The following CYP4X1 variants were observed in gnomAD, a reference collection of about 807,000 sequenced individuals.
CYP4X1 encodes the protein cytochrome P450 4X1.
Under a neutral mutation model 57.9 loss-of-function variants are expected in CYP4X1, and 44 were observed. The ratio of observed to expected loss-of-function variants is 0.76; its 90% confidence interval spans 0.60 to 0.98. CYP4X1 has a LOEUF of 0.98. Among genes scored for constraint, CYP4X1 ranks in the 50% least tolerant of loss-of-function variants. The pLI, the probability that CYP4X1 is intolerant of heterozygous loss-of-function variation, is 0.00. For missense variants in CYP4X1, 532 were observed against 623.9 expected, an observed-to-expected ratio of 0.85 and a Z score of 1.57; for synonymous variants, 227 against 228.6, an observed-to-expected ratio of 0.99 and a Z score of 0.06.
chr1:46,965,439 T>G, the CYP4X1 span, among the ~76,000 whole-genome samples: 2 of 152,234 alleles, frequency 1.3e-5, no homozygotes, highest in Non-Finnish European at 2.9e-5. Context: ...TTCCTGTTTT[T>G]TGTTTTTCTT....
upstream of CYP4X1, among the ~76,000 whole-genome samples, chr1:47,019,835 GA>G (rs34612210): frequency 0.066 from 10,068 of 152,270 alleles, 460 homozygotes; most frequent in Non-Finnish European, 0.096. Context: ...CATCTACCTT[GA>G]TTATTATGAG....
At chr1:46,962,402 G>A in the CYP4X1 span, among the ~76,000 whole-genome samples, 1 of 152,172 alleles carries the variant, frequency 6.6e-6, no homozygotes, top group African/African-American at 2.4e-5. Context: ...ACAGGAGTGA[G>A]CCACCTTGCC....
At chr1:46,997,768 GA>G in the CYP4X1 span, among the ~76,000 whole-genome samples, 2 of 152,292 alleles carry the variant, frequency 1.3e-5, no homozygotes, top group East Asian at 3.9e-4. Flanking sequence ...AGTTCTTTGA[GA>G]AATTTCTATA....
At chr1:46,999,631 A>C in the CYP4X1 span, among the ~76,000 whole-genome samples, 1 of 151,802 alleles carries the variant, frequency 6.6e-6, no homozygotes, top group East Asian at 1.9e-4. Flanking sequence ...TATTGTTTTT[A>C]TAGTTCCTTA....
At chr1:47,000,003 CG>C in the CYP4X1 span, among the ~76,000 whole-genome samples, 1 of 151,866 alleles carries the variant, frequency 6.6e-6, no homozygotes, top group African/African-American at 2.4e-5. Flanking sequence ...TGAGAGGGGC[CG>C]GGGTGGAATG....
Position 47,027,250 on chromosome 1 carries a change from A to G in CYP4X1, c.178-2740A>G, listed in dbSNP as rs548861726. ...AGATGACGGACATGTCAAACTGTCT[A>G]ATATTACCAACCCTCCCCATTTATC... On this transcript the variant is annotated intron_variant, in intron 1 of 11. Transcript: ENST00000371901. Among the ~76,000 whole-genome samples the G allele has an allele frequency of 9.2e-5, 14 of 151,988 alleles. No homozygotes were observed. The East Asian group carries it at 1.9e-3, about 21-fold the overall frequency.
chr1:46,965,398 C>G, the CYP4X1 span, among the ~76,000 whole-genome samples: 1 of 151,156 alleles, frequency 6.6e-6, no homozygotes, highest in South Asian at 2.1e-4. Context: ...TTGGAACTGC[C>G]CCCACTCTTT....
chr1:46,978,777 C>T, the CYP4X1 span, among the ~76,000 whole-genome samples: 1 of 152,192 alleles, frequency 6.6e-6, no homozygotes, highest in Admixed American at 6.5e-5. Flanking sequence ...CAAATTGTCT[C>T]TCAGACCACA....
At chr1:46,982,025 A>G in the CYP4X1 span, among the ~76,000 whole-genome samples, 4 of 152,214 alleles carry the variant, frequency 2.6e-5, no homozygotes, top group African/African-American at 9.6e-5. Flanking sequence ...AGAAATACCT[A>G]ATGTAAATGA....
chr1:47,050,197 C>T lies in CYP4X1; in HGVS notation c.*23C>T, dbSNP rs377454419. 2.7e-5 allele frequency: 43 copies of T among 1,611,540 alleles called. No individual in the cohort carries two copies. The highest frequency in any genetic ancestry group is 1.3e-4 in the East Asian group (6 of 44,804). The stretch of plus-strand genomic sequence containing the variant: ...TAGATCTCAGGGTACAATGATTAAA[C>T]GTACTTTGTTTTTCGAAGTTAAATT... On this transcript the variant is annotated 3_prime_UTR_variant, in exon 12 of 12. Transcript: ENST00000371901.
the CYP4X1 span, among the ~76,000 whole-genome samples, chr1:46,978,651 C>G: frequency 1.3e-5 from 2 of 151,676 alleles, no homozygotes; most frequent in African/African-American, 4.9e-5. Flanking sequence ...GAACTCTCCA[C>G]CCCAAATCAA....
At chr1:46,991,736 CAGG>C in the CYP4X1 span, among the ~76,000 whole-genome samples, 3 of 152,104 alleles carry the variant, frequency 2.0e-5, no homozygotes, top group African/African-American at 7.2e-5. Flanking sequence ...TCGGGAGTGA[CAGG>C]AGGACAAGCC....
At chr1:46,991,835 G>A in the CYP4X1 span, among the ~76,000 whole-genome samples, 86 of 152,300 alleles carry the variant, frequency 5.6e-4, no homozygotes, top group African/African-American at 1.9e-3. Flanking sequence ...GAAGGAGGAG[G>A]CTTTGGAGTC....
the CYP4X1 span, among the ~76,000 whole-genome samples, chr1:46,964,120 T>G: frequency 1.3e-5 from 2 of 152,210 alleles, no homozygotes; most frequent in Non-Finnish European, 2.9e-5. Context: ...CTTCTCTACA[T>G]TGGTTATTCT....
the CYP4X1 span, among the ~76,000 whole-genome samples, chr1:46,987,450 C>G: frequency 2.6e-5 from 4 of 152,022 alleles, no homozygotes; most frequent in African/African-American, 9.7e-5. Flanking sequence ...CTTTAACACC[C>G]CACCATCAAT....
the CYP4X1 span, among the ~76,000 whole-genome samples, chr1:46,983,254 C>T: frequency 3.3e-5 from 5 of 152,112 alleles, no homozygotes; most frequent in Non-Finnish European, 2.9e-5. Context: ...GACATAGAGC[C>T]GGTGCCTATG....
intron 4 of CYP4X1, 27 bp downstream of exon 4, chr1:47,033,395 G>A: frequency 6.2e-7 from 1 of 1,612,640 alleles, no homozygotes; most frequent in Non-Finnish European, 8.5e-7. Context: ...AGTGCTCTGT[G>A]CATTGCGAAA....
the CYP4X1 span, among the ~76,000 whole-genome samples, chr1:46,984,659 G>A: frequency 6.6e-6 from 1 of 152,110 alleles, no homozygotes; most frequent in African/African-American, 2.4e-5. Flanking sequence ...GTGCCTTGAG[G>A]AACAGTGCAT....
intron 6 of CYP4X1, among the ~76,000 whole-genome samples, chr1:47,038,347 T>C (rs1644208129): frequency 6.6e-6 from 1 of 152,204 alleles, no homozygotes; most frequent in African/African-American, 2.4e-5. Flanking sequence ...TTTTATTTAA[T>C]AACTTTTCCG....
Sources: gnomAD v4.1 joint callset for allele counts (sites outside exome capture counted in the v4.1 genomes callset) on GRCh38, gnomAD v4.1.1 for gene constraint, MANE v1.5 for transcripts, NCBI Gene and HGNC (gene_info 2026-07-23, HGNC 2026-07-21) for gene names.